SLC38A7: variants seen among roughly 807,000 people sequenced by gnomAD.
SLC38A7 encodes the protein solute carrier family 38 member 7, also known as sodium-coupled neutral amino acid transporter 7.
SLC38A7 carries 29 observed loss-of-function variants against 50.1 expected under a neutral mutation model. The observed-to-expected ratio is 0.58, with a 90% confidence interval of 0.43 to 0.79. The LOEUF (loss-of-function observed/expected upper bound fraction) is 0.79, where lower values mean the gene tolerates loss of function less well. Among genes scored for constraint, SLC38A7 ranks in the 30% least tolerant of loss-of-function variants. The probability of loss-of-function intolerance (pLI) is 0.00; values close to 1 mark genes in which losing one functional copy is unlikely to be tolerated. For missense variants in SLC38A7, 483 were observed against 610.6 expected (o/e 0.79, Z 2.20); for synonymous variants, 244 against 245.9 (o/e 0.99, Z 0.07).
Position 58,671,170 on chromosome 16 carries a change from C to T in SLC38A7, c.1106G>A (p.Arg369Gln), listed in dbSNP as rs747844837. The T allele has an allele frequency of 2.0e-5, 32 of 1,613,730 alleles. No homozygotes were observed. The highest frequency in any genetic ancestry group is 2.7e-5 in the African/African-American group (2 of 74,902). ...VEEDVGRERR[R>Q]RVLQTLVWFL... ...CCAGACCAGCGTCTGCAGCACTCGCCGCCGCCGCTCCCGCCCCACGTCCTC... is the reference window on the plus strand; with the variant it reads ...CCAGACCAGCGTCTGCAGCACTCGCTGCCGCCGCTCCCGCCCCACGTCCTC... The change falls in exon 10 of 12, where the codon CGG becomes CAG. Residue 369 changes from arginine to glutamine, a missense_variant. Coordinates refer to ENST00000219320, the MANE Select transcript of SLC38A7 (RefSeq NM_018231.3).
chr16:58,672,356 T>G (rs2044176886), intron 8 of SLC38A7, 113 bp from the exon 9 acceptor site: 2 of 1,165,792 alleles, frequency 1.7e-6, no homozygotes, highest in African/African-American at 3.1e-5. Flanking sequence ...CTCTGGACAC[T>G]TAGACGGAGG....
At chr16:58,670,297 C>T (rs920968258) in intron 10 of SLC38A7, 130 bp from the exon 11 acceptor site, 2 of 815,734 alleles carry the variant, frequency 2.5e-6, no homozygotes, top group Non-Finnish European at 3.9e-6. Context: ...AATTCCATCT[C>T]TGCCCCCACA....
rs749703806 is a variant in SLC38A7 at position 58,672,166 on chromosome 16, C to T, written c.961G>A (p.Val321Met). 30 of 1,567,836 alleles carry T rather than the reference C, an allele frequency of 1.9e-5. No homozygotes were observed. Among genetic ancestry groups the T allele is most frequent in the Admixed American group, 5.7e-5 (3 of 52,798 alleles). The change falls in exon 9 of 12, where the codon GTG (valine) becomes ATG (methionine). Residue 321 changes from valine (V) to methionine (M), a missense_variant. Coordinates refer to ENST00000219320, the MANE Select transcript of SLC38A7 (RefSeq NM_018231.3). ...ATGATGAAGGCTCGGGCAACGGCCA[C>T]GGCCATGTCCTCCGAGGGATAGGAC... ...LLSYPSEDMA[V>M]AVARAFIILS...
Position 58,678,298 on chromosome 16 carries a change from T to C in SLC38A7, c.611+35A>G, listed in dbSNP as rs757172675. 1 of 1,509,498 alleles carries C rather than the reference T, an allele frequency of 6.6e-7. No individual in the cohort carries two copies. The highest frequency in any genetic ancestry group is 1.4e-5 in the South Asian group (1 of 72,936). 93.5% of individuals were successfully genotyped at this position (1,509,498 alleles called of 1,614,324 possible). ...TTGGGTCTACAGCTGCCCAGGATCA[T>C]AGCTTCTGTCTGACCCAGGCTGGGG... is the stretch of plus-strand genomic sequence containing the variant. On this transcript the variant is annotated intron_variant, in intron 5 of 11. Coordinates refer to ENST00000219320, the MANE Select transcript of SLC38A7 (RefSeq NM_018231.3). The surrounding 1 kb of genome is among the most constrained non-coding windows in gnomAD (Gnocchi z 4.0).
At chr16:58,677,991 C>G (rs2044305074) in intron 5 of SLC38A7, among the ~76,000 whole-genome samples, 1 of 151,942 alleles carries the variant, frequency 6.6e-6, no homozygotes, top group African/African-American at 2.4e-5. Context: ...GGTAGGCTGA[C>G]AGTCTCAAAG....
chr16:58,673,804 C>T (rs975104159), intron 8 of SLC38A7, among the ~76,000 whole-genome samples: 5 of 151,920 alleles, frequency 3.3e-5, no homozygotes, highest in African/African-American at 7.3e-5. Flanking sequence ...ACTGGGACTA[C>T]AGGCACATGC....
At chr16:58,683,052 T>C (rs1057192689) in intron 2 of SLC38A7, among the ~76,000 whole-genome samples, 5 of 151,920 alleles carry the variant, frequency 3.3e-5, no homozygotes, top group African/African-American at 9.7e-5. Context: ...ATGTTTAAAT[T>C]TTCTGTAGAG....
At position 58,678,654 on chromosome 16, in the gene SLC38A7, CTGA is replaced by C; in HGVS notation, c.469+39_469+41del. On this transcript the variant is annotated intron_variant, in intron 4 of 11. Transcript: ENST00000219320. The surrounding 1 kb of genome is among the most constrained non-coding windows in gnomAD (Gnocchi z 4.0). ...TCCCTCCACCCCAGGATCCCTGGGG[CTGA>C]TAAGAAGAGATGGGGTAGGGACTGA... 1 of 1,603,836 alleles carries C rather than the reference CTGA, an allele frequency of 6.2e-7. No homozygotes were observed. The highest frequency in any genetic ancestry group is 1.1e-5 in the South Asian group (1 of 90,530).
chr16:58,675,894 A>C, intron 8 of SLC38A7, 46 bp downstream of exon 8: 1 of 1,484,476 alleles, frequency 6.7e-7, no homozygotes, highest in Non-Finnish European at 9.2e-7. Flanking sequence ...CTCCTGTGGA[A>C]GTGAGAGCAC....
chr16:58,669,013 G>T (rs2044104338), intron 11 of SLC38A7, among the ~76,000 whole-genome samples: 1 of 150,972 alleles, frequency 6.6e-6, no homozygotes, highest in South Asian at 2.1e-4. Flanking sequence ...CAGGTGATCT[G>T]CCTGTCTTGG....
At chr16:58,681,413 A>T (rs2044385895) in intron 2 of SLC38A7, 1 of 149,668 alleles carries the variant, frequency 6.7e-6, no homozygotes, top group Non-Finnish European at 1.5e-5. Context: ...TGCTCTCTGG[A>T]TAAACACAAT....
At position 58,678,959 on chromosome 16, in the gene SLC38A7, G is replaced by A. The variant is rs746666129; in HGVS notation, c.271-65C>T. 121 of 1,530,336 alleles carry A rather than the reference G, an allele frequency of 7.9e-5. No homozygotes were observed. The highest frequency in any genetic ancestry group is 1.0e-4 in the Non-Finnish European group (116 of 1,124,700). The allele number at this position is 1,530,336 out of a possible 1,614,324, so 94.8% of individuals were successfully genotyped here. On this transcript the variant is annotated intron_variant, in intron 3 of 11. Transcript: ENST00000219320. This position sits in a 1 kb window ranked among gnomAD's most constrained non-coding sequence, Gnocchi z 4.0. The stretch of plus-strand genomic sequence containing the variant: ...TGGCAGCAGAGGGCACCCTGGGCTC[G>A]CCTAGCATTTACTGGGCCAGTGCCC...
At position 58,667,058 on chromosome 16, in the gene SLC38A7, G is replaced by T. The variant is rs2152073024; in HGVS notation, c.*327C>A. ...CATTCTCCAGAGGGAAGTCAGACTGGATTCTTTCTTATGAGATCTACCGAC... is the reference window on the plus strand; with the variant it reads ...CATTCTCCAGAGGGAAGTCAGACTGTATTCTTTCTTATGAGATCTACCGAC... On this transcript the variant is annotated 3_prime_UTR_variant, in exon 12 of 12. Transcript: ENST00000219320. 4.8e-6 allele frequency: 2 copies of T among 416,148 alleles called. No individual in the cohort carries two copies. Among genetic ancestry groups the T allele is most frequent in the Middle Eastern group, 6.1e-4 (1 of 1,632 alleles). 25.8% of individuals were successfully genotyped at this position (416,148 alleles called of 1,614,324 possible). A position where few individuals can be genotyped will look rare whatever the true frequency, so the allele number is the denominator to read the frequency against.
At chr16:58,671,891 C>T (rs2044166511) in intron 9 of SLC38A7, 2 of 499,494 alleles carry the variant, frequency 4.0e-6, no homozygotes, top group Middle Eastern at 5.4e-4. Flanking sequence ...TCTTACAGGA[C>T]TCACGGAATG....
chr16:58,682,725 G>A (rs1415523640), intron 2 of SLC38A7, among the ~76,000 whole-genome samples: 1 of 151,802 alleles, frequency 6.6e-6, no homozygotes, highest in Non-Finnish European at 1.5e-5. Context: ...TCTGCCTCCC[G>A]GGTTCAAGAG....
intron 2 of SLC38A7, among the ~76,000 whole-genome samples, chr16:58,682,175 A>G (rs527243398): frequency 9.9e-5 from 15 of 152,142 alleles, no homozygotes; most frequent in African/African-American, 3.6e-4. Context: ...CAAACAAACA[A>G]AACTCAAACC....
rs550647928 is a variant in SLC38A7, at chr16:58,677,746, G to C, written c.612-322C>G. Among the ~76,000 whole-genome samples the C allele has an allele frequency of 7.9e-5, 12 of 152,268 alleles. 1 individual carries two copies. The highest frequency in any genetic ancestry group is 2.4e-4 in the African/African-American group (10 of 41,556). On this transcript the variant is annotated intron_variant, in intron 5 of 11. Coordinates refer to ENST00000219320, the MANE Select transcript of SLC38A7 (RefSeq NM_018231.3). Reference sequence around the variant, plus strand: ...GACTTGAATCAGAGCAGCCCAGCCCGGGCAGGGGCTGTGGGAGACCATCCT... The same window carrying C: ...GACTTGAATCAGAGCAGCCCAGCCCCGGCAGGGGCTGTGGGAGACCATCCT...
intron 10 of SLC38A7, 111 bp downstream of exon 10, chr16:58,670,934 T>C: frequency 8.9e-7 from 1 of 1,129,196 alleles, no homozygotes; most frequent in South Asian, 1.4e-5. Flanking sequence ...GATCAATTAG[T>C]GCTGGTGGTT....
chr16:58,675,790 G>C, intron 8 of SLC38A7, 150 bp downstream of exon 8: 1 of 619,498 alleles, frequency 1.6e-6, no homozygotes, highest in Admixed American at 2.9e-5. Context: ...GCAGGAGGAG[G>C]CTCCAGGCAG....
Sources: allele counts gnomAD v4.1 joint callset (sites outside exome capture counted in the v4.1 genomes callset), GRCh38; gene constraint gnomAD v4.1.1; non-coding constraint Gnocchi (gnomAD v3.1); transcripts MANE v1.5; gene names NCBI Gene and HGNC (gene_info 2026-07-23, HGNC 2026-07-21).